Variants in SAMD12 observed in about 807,000 individuals in gnomAD.
SAMD12 encodes sterile alpha motif domain containing 12, also known as sterile alpha motif domain-containing protein 12.
SAMD12 carries 9 observed loss-of-function variants against 15.0 expected under a neutral mutation model. That is an observed-to-expected ratio of 0.60 (90% CI 0.36 to 1.05). The LOEUF is 1.05. Ranked by LOEUF, SAMD12 falls within the 50% of genes least tolerant of loss-of-function variation. The pLI is 0.01. For missense variants in SAMD12, 230 were observed against 234.2 expected (o/e 0.98, Z 0.12); for synonymous variants, 86 against 90.1 (o/e 0.96, Z 0.25).
At chr8:118,443,121 G>A (rs1274821562) in intron 2 of SAMD12, among the ~76,000 whole-genome samples, 1 of 152,050 alleles carries the variant, frequency 6.6e-6, no homozygotes, top group Non-Finnish European at 1.5e-5. Flanking sequence ...ACTCTTACTA[G>A]GCATATACTA....
At chr8:118,190,223 AGC>A (rs1819326431) in exon 5 of SAMD12, 1 of 152,132 alleles carries the variant, frequency 6.6e-6, no homozygotes, top group South Asian at 2.1e-4. Flanking sequence ...CTCTGTAAAG[AGC>A]ACTGCTCTTA....
chr8:118,364,050 ACT>A (rs1352815389), intron 4 of SAMD12, among the ~76,000 whole-genome samples: 3 of 152,144 alleles, frequency 2.0e-5, no homozygotes, highest in African/African-American at 7.2e-5. Context: ...CTGCTACCTA[ACT>A]CTGAGACTTT....
intron 2 of SAMD12, among the ~76,000 whole-genome samples, chr8:118,562,291 G>C (rs898408983): frequency 2.0e-5 from 3 of 152,164 alleles, no homozygotes; most frequent in Non-Finnish European, 4.4e-5. Flanking sequence ...GAGAGAAGTT[G>C]GGCCTGAAGA....
intron 4 of SAMD12, among the ~76,000 whole-genome samples, chr8:118,280,342 T>A (rs1020746709): frequency 2.0e-5 from 3 of 152,186 alleles, no homozygotes; most frequent in Admixed American, 6.5e-5. Context: ...AGGAGCACAG[T>A]CACTCAAAGT....
intron 4 of SAMD12, among the ~76,000 whole-genome samples, chr8:118,257,213 C>A (rs1812966529): frequency 6.6e-6 from 1 of 152,064 alleles, no homozygotes; most frequent in South Asian, 2.1e-4. Flanking sequence ...TGAAGGGGAA[C>A]TAAATGCTAG....
intron 2 of SAMD12, among the ~76,000 whole-genome samples, chr8:118,512,244 G>T (rs770812079): frequency 1.8e-4 from 27 of 152,122 alleles, no homozygotes; most frequent in Non-Finnish European, 2.9e-4. Flanking sequence ...ATTTGTGGCT[G>T]GGGACTGCCA....
chr8:118,579,670 AC>A (rs1246625686), intron 2 of SAMD12, among the ~76,000 whole-genome samples: 2 of 152,130 alleles, frequency 1.3e-5, no homozygotes, highest in African/African-American at 2.4e-5. Context: ...CAGTAAGGTG[AC>A]CTTTTTCCTT....
At chr8:118,281,649 T>C (rs150562827) in intron 4 of SAMD12, among the ~76,000 whole-genome samples, 2 of 152,314 alleles carry the variant, frequency 1.3e-5, no homozygotes, top group Non-Finnish European at 2.9e-5. Flanking sequence ...CAGAAGTTGC[T>C]CAAAACCTGC....
At chr8:118,585,640 A>G (rs925410876) in intron 1 of SAMD12, among the ~76,000 whole-genome samples, 1 of 152,298 alleles carries the variant, frequency 6.6e-6, no homozygotes, top group South Asian at 2.1e-4. Context: ...ATAAAATGGT[A>G]AAAATTATAG....
the SAMD12 span, among the ~76,000 whole-genome samples, chr8:118,170,503 C>T: frequency 4.6e-5 from 7 of 152,202 alleles, no homozygotes; most frequent in Admixed American, 1.3e-4. Flanking sequence ...GTAAGGCATG[C>T]TACTGTAAAA....
At chr8:118,177,449 G>T in the SAMD12 span, among the ~76,000 whole-genome samples, 6 of 152,042 alleles carry the variant, frequency 3.9e-5, 1 homozygote, top group South Asian at 2.1e-4. Flanking sequence ...TCACTGTGTT[G>T]CTCAAGCTGG....
In SAMD12 at chr8:118,573,180, G is replaced by A. The variant is rs547303996; in HGVS notation, c.192+7535C>T. ...GCTCACTGCAACCTCCACCTCCTGG[G>A]TTCAAGCGATTCTCCTGCCTCAGCT... On this transcript the variant is annotated intron_variant, in intron 2 of 3. Transcript: ENST00000314727. 9.2e-5 allele frequency among the ~76,000 whole-genome samples: 14 copies of A among 152,254 alleles called. No homozygotes were observed. The South Asian group carries it at 2.1e-3, about 23-fold the overall frequency.
chr8:118,135,519 T>A, the SAMD12 span, among the ~76,000 whole-genome samples: 2 of 151,124 alleles, frequency 1.3e-5, no homozygotes, highest in African/African-American at 4.9e-5. Context: ...GAATGAGGAA[T>A]TTTTCCATTG....
At chr8:118,213,543 G>GA (rs1284266217) in intron 4 of SAMD12, among the ~76,000 whole-genome samples, 1 of 152,168 alleles carries the variant, frequency 6.6e-6, no homozygotes, top group Non-Finnish European at 1.5e-5. Flanking sequence ...AGTATGTATG[G>GA]AAAAAATAAG....
chr8:118,494,745 T>A (rs770568567), intron 2 of SAMD12, among the ~76,000 whole-genome samples: 4 of 152,218 alleles, frequency 2.6e-5, no homozygotes, highest in Non-Finnish European at 5.9e-5. Context: ...CATCTCCTTA[T>A]CTTTTAATTC....
chr8:118,436,056 A>G (rs1822567392), intron 3 of SAMD12, among the ~76,000 whole-genome samples: 1 of 152,250 alleles, frequency 6.6e-6, no homozygotes, highest in Non-Finnish European at 1.5e-5. Context: ...TCACAGAGTT[A>G]TAAAATTGCT....
the SAMD12 span, among the ~76,000 whole-genome samples, chr8:118,153,497 A>G: frequency 6.6e-6 from 1 of 152,224 alleles, no homozygotes; most frequent in Admixed American, 6.5e-5. Context: ...GGCCAAACGT[A>G]TAATCTATTT....
the SAMD12 span, among the ~76,000 whole-genome samples, chr8:118,149,311 T>C: frequency 6.6e-6 from 1 of 152,216 alleles, no homozygotes; most frequent in Non-Finnish European, 1.5e-5. Context: ...GTTAAAATTA[T>C]ATATGTTTTT....
At chr8:118,448,121 G>A (rs1020436838) in intron 2 of SAMD12, among the ~76,000 whole-genome samples, 14 of 152,156 alleles carry the variant, frequency 9.2e-5, no homozygotes, top group Non-Finnish European at 2.9e-5. Context: ...AACTATGTCT[G>A]TGTTTTTCTT....
Sources: allele counts gnomAD v4.1 joint callset (sites outside exome capture counted in the v4.1 genomes callset), GRCh38; gene constraint gnomAD v4.1.1; transcripts MANE v1.5; gene names NCBI Gene and HGNC (gene_info 2026-07-23, HGNC 2026-07-21).